The following WDR17 variants were observed in gnomAD, a reference collection of about 807,000 sequenced individuals.
WDR17 encodes WD repeat-containing protein 17.
Under a neutral mutation model 161.7 loss-of-function variants are expected in WDR17, and 143 were observed. That is an observed-to-expected ratio of 0.88 (90% CI 0.77 to 1.02). The LOEUF (loss-of-function observed/expected upper bound fraction) is 1.02. Among genes scored for constraint, WDR17 ranks in the 50% least tolerant of loss-of-function variants. The probability of loss-of-function intolerance (pLI) is 0.00; values close to 1 mark genes in which losing one functional copy is unlikely to be tolerated. For missense variants in WDR17, 1,469 were observed against 1,520.9 expected (o/e 0.97, Z 0.57); for synonymous variants, 517 against 515.6 (o/e 1.00, Z -0.04).
At chr4:176,081,037 C>A (rs1451728779) in intron 1 of WDR17, among the ~76,000 whole-genome samples, 1 of 152,080 alleles carries the variant, frequency 6.6e-6, no homozygotes, top group Non-Finnish European at 1.5e-5. Context: ...GTTATTCAGT[C>A]AGGCAGAAGT....
At chr4:176,104,446 T>G (rs2126670443) in intron 1 of WDR17, among the ~76,000 whole-genome samples, 1 of 152,220 alleles carries the variant, frequency 6.6e-6, no homozygotes, top group East Asian at 1.9e-4. Context: ...ATTCTTAGTA[T>G]ACAAGTAGTA....
At chr4:176,168,641 A>C in intron 22 of WDR17, 31 bp from the exon 23 acceptor site, 1 of 1,612,464 alleles carries the variant, frequency 6.2e-7, no homozygotes, top group East Asian at 2.2e-5. Flanking sequence ...TCTTCTCCTC[A>C]ATGAAGTGTC....
intron 1 of WDR17, among the ~76,000 whole-genome samples, chr4:176,085,679 T>A (rs1025421728): frequency 1.3e-5 from 2 of 152,008 alleles, no homozygotes; most frequent in African/African-American, 4.8e-5. Context: ...ATATGGATAT[T>A]TGTGTTTGTT....
At chr4:176,155,555 T>TGTTTTG in intron 17 of WDR17, among the ~76,000 whole-genome samples, 1 of 143,842 alleles carries the variant, frequency 7.0e-6, no homozygotes, top group African/African-American at 2.5e-5. Flanking sequence ...GTTTTTTTTT[T>TGTTTTG]TTTTTTGGAG....
chr4:176,096,031 A>G (rs959924471), intron 1 of WDR17, among the ~76,000 whole-genome samples: 2 of 152,132 alleles, frequency 1.3e-5, no homozygotes, highest in African/African-American at 2.4e-5. Flanking sequence ...TTAACTGTCA[A>G]CTATGGGGCT....
intron 18 of WDR17, among the ~76,000 whole-genome samples, chr4:176,156,950 T>C (rs2126835775): frequency 6.6e-6 from 1 of 152,302 alleles, no homozygotes; most frequent in South Asian, 2.1e-4. Flanking sequence ...AGATTTCCTC[T>C]TCTTATAAGT....
rs149655099 is a variant in WDR17, at chr4:176,149,949, G to C, written c.2040G>C (p.Gly680=). 6.2e-7 allele frequency: 1 copy of C among 1,612,352 alleles called. No individual in the cohort carries two copies. Among genetic ancestry groups the C allele is most frequent in the South Asian group, 1.1e-5 (1 of 90,248 alleles). ...LADRSWEEII[G]NTDYAIEPGT... Reference sequence around the variant, plus strand: ...ACAGATCTTGGGAAGAAATTATTGGGAACACTGGTATGGAACATATACATG... The same window carrying C: ...ACAGATCTTGGGAAGAAATTATTGGCAACACTGGTATGGAACATATACATG... The change falls in exon 14 of 29, where the codon GGG becomes GGC. Residue 680 remains glycine (G), a synonymous_variant. Transcript: ENST00000508596.
At chr4:176,156,503 C>T (rs373218657) in intron 18 of WDR17, among the ~76,000 whole-genome samples, 1 of 152,122 alleles carries the variant, frequency 6.6e-6, no homozygotes, top group Non-Finnish European at 1.5e-5. Context: ...TTAATTATCT[C>T]AAAAATTTTC....
intron 25 of WDR17, among the ~76,000 whole-genome samples, chr4:176,173,856 G>A (rs1010702153): frequency 1.3e-5 from 2 of 151,204 alleles, no homozygotes; most frequent in African/African-American, 2.4e-5. Context: ...AGGTCAACTT[G>A]AAACAGAGTA....
rs1423818433 is a variant in WDR17, at chr4:176,131,862, A to C, written c.1098+124A>C. The stretch of plus-strand genomic sequence containing the variant: ...GTAAGTAATAATATACTAGAAATTT[A>C]TTGTAGCTGGTTGAAACATTTTAGA... On this transcript the variant is annotated intron_variant, in intron 7 of 28. Transcript: ENST00000508596. The C allele has an allele frequency of 6.6e-6, 5 of 759,438 alleles. No individual in the cohort carries two copies. In the Admixed American group the frequency reaches 9.7e-5, roughly 15 times the overall value. 47.0% of individuals were successfully genotyped at this position (759,438 alleles called of 1,614,324 possible).
chr4:176,103,185 A>T (rs1418350848), intron 1 of WDR17, among the ~76,000 whole-genome samples: 1 of 152,180 alleles, frequency 6.6e-6, no homozygotes, highest in Non-Finnish European at 1.5e-5. Context: ...GCCTATACAA[A>T]GAAAATTAGG....
intron 7 of WDR17, 70 bp downstream of exon 7, chr4:176,131,808 C>T: frequency 3.4e-6 from 4 of 1,164,924 alleles, no homozygotes; most frequent in Non-Finnish European, 4.6e-6. Context: ...TTACTTTTAC[C>T]TGTCTGAATA....
chr4:176,087,405 A>G (rs1486209667), intron 1 of WDR17, among the ~76,000 whole-genome samples: 1 of 152,108 alleles, frequency 6.6e-6, no homozygotes. Flanking sequence ...TTTGACTGTA[A>G]CATGACCATT....
In WDR17 at chr4:176,135,103, C is replaced by A; in HGVS notation, c.1099-5C>A. On this transcript the variant is annotated splice_region_variant and splice_polypyrimidine_tract_variant and intron_variant, in intron 7 of 28. Transcript: ENST00000508596. ...AATTATGACTTTTTTATGCCATATT[C>A]CTAGGGACATGTGGAAACTATCTTT... is the stretch of plus-strand genomic sequence containing the variant. 6.2e-7 allele frequency: 1 copy of A among 1,611,196 alleles called. No homozygotes were observed. The highest frequency in any genetic ancestry group is 8.5e-7 in the Non-Finnish European group (1 of 1,178,014).
chr4:176,177,722 T>G (rs1751646206), intron 28 of WDR17, 68 bp downstream of exon 28: 1 of 1,484,012 alleles, frequency 6.7e-7, no homozygotes, highest in African/African-American at 1.5e-5. Context: ...TGAAATATCT[T>G]AAAATAAGCC....
At chr4:176,093,225 T>C (rs867260460) in intron 1 of WDR17, among the ~76,000 whole-genome samples, 1 of 152,152 alleles carries the variant, frequency 6.6e-6, no homozygotes, top group African/African-American at 2.4e-5. Context: ...TGTTCAAGGA[T>C]TGAAAGAATC....
intron 1 of WDR17, among the ~76,000 whole-genome samples, chr4:176,084,772 T>A (rs1162001018): frequency 1.4e-5 from 2 of 146,530 alleles, no homozygotes; most frequent in Non-Finnish European, 3.0e-5. Flanking sequence ...ATATTATATA[T>A]TATATATATA....
At chr4:176,090,345 T>C (rs573306263) in intron 1 of WDR17, among the ~76,000 whole-genome samples, 67 of 152,028 alleles carry the variant, frequency 4.4e-4, no homozygotes, top group African/African-American at 1.5e-3. Flanking sequence ...CCAGCTCCTC[T>C]TCCCCTCTGC....
At chr4:176,174,866 C>A in intron 26 of WDR17, 148 bp downstream of exon 26, 1 of 457,578 alleles carries the variant, frequency 2.2e-6, no homozygotes. Context: ...TAAAGCAGCA[C>A]ATAAATTAGG....
Sources: gnomAD v4.1 joint callset for allele counts (sites outside exome capture counted in the v4.1 genomes callset) on GRCh38, gnomAD v4.1.1 for gene constraint, MANE v1.5 for transcripts, NCBI Gene and HGNC (gene_info 2026-07-23, HGNC 2026-07-21) for gene names.